The following HSBP1 variants were observed in gnomAD, a reference collection of about 807,000 sequenced individuals.
HSBP1 encodes heat shock factor-binding protein 1.
HSBP1 carries 5 observed loss-of-function variants against 9.6 expected under a neutral mutation model. The observed-to-expected ratio is 0.52, with a 90% CI of 0.27 to 1.09. The LOEUF (loss-of-function observed/expected upper bound fraction) is 1.09. Among genes scored for constraint, HSBP1 ranks in the 50% least tolerant of loss-of-function variants. The pLI is 0.11. For synonymous variants in HSBP1, 42 were observed against 33.3 expected (o/e 1.26, Z -0.90); for missense variants, 121 against 96.3 (o/e 1.26, Z -1.07).
chr16:83,809,462 C>CTATTTTTTTTTTTTTTTTTTTTT (rs1904547860), intron 3 of HSBP1, 37 bp downstream of exon 3: 1 of 353,818 alleles, frequency 2.8e-6, no homozygotes, highest in Non-Finnish European at 4.6e-6. Flanking sequence ...CTTTTCTTTT[C>CTATTTTTTTTTTTTTTTTTTTTT]TTTTTTTTTT....
rs2151032167 is a variant in HSBP1, at chr16:83,816,170, G to A, written c.*4752G>A. The A allele has an allele frequency of 6.6e-6, 1 of 152,324 alleles. No homozygotes were observed. Among genetic ancestry groups the A allele is most frequent in the Middle Eastern group, 3.4e-3 (1 of 296 alleles). The allele number at this position is 152,324 out of a possible 1,614,324, so 9.4% of individuals were successfully genotyped here. On this transcript the variant is annotated 3_prime_UTR_variant, in exon 4 of 4. Transcript: ENST00000433866. ...TCCCAGCACTTTGGGAGGCCGAGGT[G>A]GGTGGATCACCTGAGGTCAGGAGTT... is the stretch of plus-strand genomic sequence containing the variant.
At chr16:83,808,282 C>A in intron 1 of HSBP1, 161 bp downstream of exon 1, 1 of 633,120 alleles carries the variant, frequency 1.6e-6, no homozygotes, top group Non-Finnish European at 2.6e-6. Flanking sequence ...CCTTGACCCC[C>A]GGGGCGCTCG....
intron 3 of HSBP1, among the ~76,000 whole-genome samples, chr16:83,810,808 C>CA (rs1484600769): frequency 6.6e-6 from 1 of 151,912 alleles, no homozygotes; most frequent in Non-Finnish European, 1.5e-5. Context: ...GACTCTGTCT[C>CA]AAAAAAATAA....
At chr16:83,809,146 C>G in intron 2 of HSBP1, 159 bp from the exon 3 acceptor site, 1 of 584,718 alleles carries the variant, frequency 1.7e-6, no homozygotes, top group Non-Finnish European at 3.0e-6. Context: ...TAGCCATGCC[C>G]CACAGTCCTG....
At chr16:83,809,462 C>CTTTTTTTTTTTTTTTTTTTTTTTT in intron 3 of HSBP1, 37 bp downstream of exon 3, 1 of 406,038 alleles carries the variant, frequency 2.5e-6, no homozygotes, top group South Asian at 2.4e-5. Context: ...CTTTTCTTTT[C>CTTTTTTTTTTTTTTTTTTTTTTTT]TTTTTTTTTT....
intron 3 of HSBP1, among the ~76,000 whole-genome samples, chr16:83,810,544 A>AAAG: frequency 7.0e-6 from 1 of 143,146 alleles, no homozygotes; most frequent in South Asian, 2.2e-4. Context: ...AAAAAAAAAA[A>AAAG]GGTACTGGTG....
chr16:83,818,825 C>A lies in HSBP1; in HGVS notation c.*7407C>A, dbSNP rs1597257552. On this transcript the variant is annotated 3_prime_UTR_variant, in exon 4 of 4. Coordinates refer to ENST00000433866, the MANE Select transcript of HSBP1 (RefSeq NM_001537.4). The stretch of plus-strand genomic sequence containing the variant: ...TGGTCTGAGAACAACAGATTTTTTT[C>A]TTTTTTGCCTCGGATTTCAACAAAA... 1 of 152,242 alleles carries A rather than the reference C, an allele frequency of 6.6e-6. No individual in the cohort carries two copies. The highest frequency in any genetic ancestry group is 1.9e-4 in the East Asian group (1 of 5,190). The allele number at this position is 152,242 out of a possible 1,614,324, so 9.4% of individuals were successfully genotyped here. A position where few individuals can be genotyped will look rare whatever the true frequency, so the allele number is the denominator to read the frequency against.
chr16:83,809,009 G>A (rs1904533012), intron 2 of HSBP1: 1 of 548,464 alleles, frequency 1.8e-6, no homozygotes, highest in Non-Finnish European at 3.2e-6. Flanking sequence ...GCGCTTTTGT[G>A]TGTGTCTTTT....
At position 83,816,947 on chromosome 16, in the gene HSBP1, C is replaced by G. The variant is rs148191799; in HGVS notation, c.*5529C>G. On this transcript the variant is annotated 3_prime_UTR_variant, in exon 4 of 4. Transcript: ENST00000433866. ...TTTGCTACAGACCTTCTAGATGTAA[C>G]TTCTAGATTATAAACACTGGTAACA... 1 of 152,172 alleles carries G rather than the reference C, an allele frequency of 6.6e-6. No individual in the cohort carries two copies. Among genetic ancestry groups the G allele is most frequent in the African/African-American group, 2.4e-5 (1 of 41,442 alleles). The allele number at this position is 152,172 out of a possible 1,614,324, so 9.4% of individuals were successfully genotyped here.
chr16:83,809,274 T>C (rs2151030385), intron 2 of HSBP1, 31 bp from the exon 3 acceptor site: 1 of 1,354,128 alleles, frequency 7.4e-7, no homozygotes, highest in Admixed American at 2.0e-5. Flanking sequence ...CTCAATGAGA[T>C]GTTGGCACGC....
In HSBP1 at chr16:83,818,389, GC is replaced by G. The variant is rs1274538120; in HGVS notation, c.*6973del. The G allele has an allele frequency of 6.6e-6, 1 of 152,166 alleles. No individual in the cohort carries two copies. Among genetic ancestry groups the G allele is most frequent in the Non-Finnish European group, 1.5e-5 (1 of 68,026 alleles). The allele number at this position is 152,166 out of a possible 1,614,324, so 9.4% of individuals were successfully genotyped here. On this transcript the variant is annotated 3_prime_UTR_variant, in exon 4 of 4. Coordinates refer to ENST00000433866, the MANE Select transcript of HSBP1 (RefSeq NM_001537.4). ...TCACTGACCCCAGACATTGTTCCCTGCCATCCACTCTGCCAGACATTTCTTG... is the reference window on the plus strand; with the variant it reads ...TCACTGACCCCAGACATTGTTCCCTGCATCCACTCTGCCAGACATTTCTTG...
In HSBP1 at chr16:83,818,237, CT is replaced by C. The variant is rs1904764697; in HGVS notation, c.*6823del. On this transcript the variant is annotated 3_prime_UTR_variant, in exon 4 of 4. Transcript: ENST00000433866. The stretch of plus-strand genomic sequence containing the variant: ...CTCAGAAGGAGATGCGAGGAAGATT[CT>C]TTTCCTGGGCCACTCTCATTTTCTC... 6.6e-6 allele frequency: 1 copy of C among 152,154 alleles called. No homozygotes were observed. The highest frequency in any genetic ancestry group is 2.4e-5 in the African/African-American group (1 of 41,426). The allele number at this position is 152,154 out of a possible 1,614,324, so 9.4% of individuals were successfully genotyped here. A position where few individuals can be genotyped will look rare whatever the true frequency, so the allele number is the denominator to read the frequency against.
chr16:83,809,407 C>T lies in HSBP1; in HGVS notation c.215C>T (p.Ala72Val), dbSNP rs1318568421. 3 of 1,589,962 alleles carry T rather than the reference C, an allele frequency of 1.9e-6. No individual in the cohort carries two copies. Among genetic ancestry groups the T allele is most frequent in the Non-Finnish European group, 2.6e-6 (3 of 1,165,544 alleles). ...EELESENKIPATQKS is the reference protein window; with the variant it reads ...EELESENKIPVTQKS ...CTGGAAAGTGAAAACAAGATACCTGCCACGCAAAAGAGTTGAAGGTGAGGA... is the reference window on the plus strand; with the variant it reads ...CTGGAAAGTGAAAACAAGATACCTGTCACGCAAAAGAGTTGAAGGTGAGGA... The change falls in exon 3 of 4, where the codon GCC (alanine) becomes GTC (valine). Residue 72 changes from alanine to valine, a missense_variant. Coordinates refer to ENST00000433866, the MANE Select transcript of HSBP1 (RefSeq NM_001537.4).
At position 83,814,540 on chromosome 16, in the gene HSBP1, C is replaced by T. The variant is rs752679389; in HGVS notation, c.*3122C>T. Reference sequence around the variant, plus strand: ...TGCACACCTGCACTGCTCACGAACACAGCTGATCGTCTGCCTCTTCGTGTG... The same window carrying T: ...TGCACACCTGCACTGCTCACGAACATAGCTGATCGTCTGCCTCTTCGTGTG... On this transcript the variant is annotated 3_prime_UTR_variant, in exon 4 of 4. Coordinates refer to ENST00000433866, the MANE Select transcript of HSBP1 (RefSeq NM_001537.4). 5.3e-5 allele frequency: 8 copies of T among 152,258 alleles called. No homozygotes were observed. Among genetic ancestry groups the T allele is most frequent in the Non-Finnish European group, 8.8e-5 (6 of 68,056 alleles). 9.4% of individuals were successfully genotyped at this position (152,258 alleles called of 1,614,324 possible). A position where few individuals can be genotyped will look rare whatever the true frequency, so the allele number is the denominator to read the frequency against.
At chr16:83,809,248 G>A in intron 2 of HSBP1, 57 bp from the exon 3 acceptor site, 2 of 1,096,290 alleles carry the variant, frequency 1.8e-6, no homozygotes, top group East Asian at 2.6e-5. Context: ...AGTCTGCAGG[G>A]ACGGGAGGAA....
At chr16:83,809,682 T>C (rs550251593) in intron 3 of HSBP1, among the ~76,000 whole-genome samples, 1 of 152,160 alleles carries the variant, frequency 6.6e-6, no homozygotes, top group Non-Finnish European at 1.5e-5. Flanking sequence ...TTGGTCATGC[T>C]GGTCTCGAAT....
chr16:83,808,332 C>G (rs964588775), intron 1 of HSBP1: 2 of 555,822 alleles, frequency 3.6e-6, no homozygotes, highest in East Asian at 3.3e-5. Context: ...CAAGCCCGAC[C>G]CCTTCCAGTA....
Position 83,817,243 on chromosome 16 carries a change from A to C in HSBP1, c.*5825A>C, listed in dbSNP as rs985798988. The C allele has an allele frequency of 6.6e-6, 1 of 152,258 alleles. No homozygotes were observed. The highest frequency in any genetic ancestry group is 2.4e-5 in the African/African-American group (1 of 41,474). 9.4% of individuals were successfully genotyped at this position (152,258 alleles called of 1,614,324 possible). The stretch of plus-strand genomic sequence containing the variant: ...GATTCCGCCACGCCCGTGTCAACCC[A>C]GCTGACACGTCCAACTTGGACAATC... On this transcript the variant is annotated 3_prime_UTR_variant, in exon 4 of 4. Transcript: ENST00000433866.
At chr16:83,809,122 A>C (rs1904535537) in intron 2 of HSBP1, 183 bp from the exon 3 acceptor site, 1 of 570,082 alleles carries the variant, frequency 1.8e-6, no homozygotes, top group South Asian at 2.3e-5. Flanking sequence ...TCAGGGCTGG[A>C]ATCCGATGCG....
Sources: gnomAD v4.1 joint callset for allele counts (sites outside exome capture counted in the v4.1 genomes callset) on GRCh38, gnomAD v4.1.1 for gene constraint, MANE v1.5 for transcripts, NCBI Gene and HGNC (gene_info 2026-07-23, HGNC 2026-07-21) for gene names.